The following BANP variants were observed in gnomAD, a reference collection of about 807,000 sequenced individuals.
BANP encodes protein BANP.
Under a neutral mutation model 68.1 loss-of-function variants are expected in BANP, and 11 were observed. That is an observed-to-expected ratio of 0.16 (90% confidence interval 0.10 to 0.27). The LOEUF (loss-of-function observed/expected upper bound fraction) is 0.27. BANP is among the 10% of genes least tolerant of loss of function. BANP has a pLI of 1.00. For missense variants in BANP, 504 were observed against 722.7 expected (o/e 0.70, Z 3.47); for synonymous variants, 329 against 303.2 (o/e 1.09, Z -0.88).
At chr16:88,068,891 GT>G (rs2089534557) in intron 12 of BANP, among the ~76,000 whole-genome samples, 2 of 2,852 alleles carry the variant, frequency 7.0e-4, no homozygotes, top group Admixed American at 0.014. Flanking sequence ...GGGCGCTCTC[GT>G]CCCCAGCCTG....
chr16:87,958,728 C>T (rs1320948458), intron 1 of BANP, among the ~76,000 whole-genome samples: 1 of 152,200 alleles, frequency 6.6e-6, no homozygotes, highest in African/African-American at 2.4e-5. Context: ...AAAACTATTC[C>T]CGTTAAGCCG....
chr16:87,968,838 A>G (rs1223583545), intron 1 of BANP, among the ~76,000 whole-genome samples: 2 of 152,182 alleles, frequency 1.3e-5, no homozygotes, highest in Non-Finnish European at 2.9e-5. Flanking sequence ...TTAGATCTGC[A>G]TATTTTCCTG....
At position 88,064,475 on chromosome 16, in the gene BANP, A is replaced by G. The variant is rs568536341; in HGVS notation, c.1312-792A>G. Among the ~76,000 whole-genome samples, 27 of 152,350 alleles carry G rather than the reference A, an allele frequency of 1.8e-4. No individual in the cohort carries two copies. Among genetic ancestry groups the G allele is most frequent in the African/African-American group, 6.3e-4 (26 of 41,594 alleles). On this transcript the variant is annotated intron_variant, in intron 11 of 13. Coordinates refer to ENST00000682872, the MANE Select transcript of BANP (RefSeq NM_001386991.1). The surrounding 1 kb of genome is among the most constrained non-coding windows in gnomAD (Gnocchi z 4.5). ...AGAAATGAGTGGGCCTTGAATGAGCAAAACAACCCACCTGCCTCCCACGGA... is the reference window on the plus strand; with the variant it reads ...AGAAATGAGTGGGCCTTGAATGAGCGAAACAACCCACCTGCCTCCCACGGA...
rs181782037 is a variant in BANP, at chr16:87,981,162, C to T, written c.162+35C>T. 125 of 1,457,494 alleles carry T rather than the reference C, an allele frequency of 8.6e-5. 1 individual carries two copies. In the East Asian group the frequency reaches 9.7e-4, roughly 11 times the overall value. 90.3% of individuals were successfully genotyped at this position (1,457,494 alleles called of 1,614,324 possible). ...TGACTCTGTTCTGTGGTGTGTAGTG[C>T]GTTGCAGATTTCAAGGGCTGCTATA... On this transcript the variant is annotated intron_variant, in intron 3 of 13. Coordinates refer to ENST00000682872, the MANE Select transcript of BANP (RefSeq NM_001386991.1).
rs559983410 is a variant in BANP, at chr16:88,037,087, A to G, written c.1273-886A>G. On this transcript the variant is annotated intron_variant, in intron 10 of 13. Coordinates refer to ENST00000682872, the MANE Select transcript of BANP (RefSeq NM_001386991.1). ...AGAGTTCTTGAATACCTGGAAGCCT[A>G]TGAAGTTCGTCAGAATGCTTAATTT... is the stretch of plus-strand genomic sequence containing the variant. Among the ~76,000 whole-genome samples, 3 of 152,320 alleles carry G rather than the reference A, an allele frequency of 2.0e-5. No individual in the cohort carries two copies. In the East Asian group the frequency reaches 5.8e-4, roughly 29 times the overall value.
intron 11 of BANP, among the ~76,000 whole-genome samples, chr16:88,051,193 T>C (rs1437245393): frequency 6.6e-6 from 1 of 151,782 alleles, no homozygotes; most frequent in African/African-American, 2.4e-5. Context: ...GGCTCCCCAG[T>C]GGTTTAGGGC....
intron 7 of BANP, among the ~76,000 whole-genome samples, chr16:88,021,482 G>A (rs2076015569): frequency 6.6e-6 from 1 of 152,182 alleles, no homozygotes. Context: ...AGGGCCGTGT[G>A]GAGGGGCCTG....
rs117395720 is a variant in BANP, at chr16:87,969,688, A to G, written c.-68-5360A>G. On this transcript the variant is annotated intron_variant, in intron 1 of 13. Transcript: ENST00000682872. ...GCTGGGATTACAGGCACGCGCCGCC[A>G]TCCCCGTCTAATTTTTTGTATCTTT... Among the ~76,000 whole-genome samples, 22 of 151,910 alleles carry G rather than the reference A, an allele frequency of 1.4e-4. No individual in the cohort carries two copies. In the East Asian group the frequency reaches 4.3e-3, roughly 30 times the overall value.
chr16:88,013,651 C>T (rs2073800710), intron 6 of BANP, among the ~76,000 whole-genome samples: 1 of 152,222 alleles, frequency 6.6e-6, no homozygotes, highest in Non-Finnish European at 1.5e-5. Flanking sequence ...GTGCAGGAGG[C>T]TCCAGGAGTG....
chr16:87,976,162 A>G (rs1028034376), intron 2 of BANP, among the ~76,000 whole-genome samples: 3 of 152,234 alleles, frequency 2.0e-5, no homozygotes, highest in Non-Finnish European at 2.9e-5. Context: ...AGATCCTTGC[A>G]TATATATCTT....
intron 11 of BANP, among the ~76,000 whole-genome samples, chr16:88,046,520 C>CT (rs1274387035): frequency 1.3e-5 from 2 of 151,906 alleles, no homozygotes; most frequent in African/African-American, 4.8e-5. Flanking sequence ...TGTTTATGTT[C>CT]TTTTTTTAAT....
intron 1 of BANP, chr16:87,966,832 G>C (rs2060105865): frequency 6.6e-6 from 1 of 152,426 alleles, no homozygotes; most frequent in Admixed American, 6.5e-5. Context: ...AGAATACCCT[G>C]TTTTGAACCA....
At chr16:88,038,058 G>T (rs771103166) in intron 11 of BANP, 47 bp downstream of exon 11, 18 of 1,596,198 alleles carry the variant, frequency 1.1e-5, no homozygotes, top group Non-Finnish European at 1.3e-5. Flanking sequence ...CGCTGCCGAG[G>T]GATGGGGTTC....
At chr16:88,039,909 C>G (rs1483389596) in intron 11 of BANP, among the ~76,000 whole-genome samples, 2 of 152,238 alleles carry the variant, frequency 1.3e-5, no homozygotes, top group African/African-American at 4.8e-5. Flanking sequence ...TGAGTCCCCA[C>G]TCTCTCTAAG....
intron 1 of BANP, among the ~76,000 whole-genome samples, chr16:87,954,952 G>A (rs192291842): frequency 4.9e-4 from 74 of 152,338 alleles, no homozygotes; most frequent in African/African-American, 1.5e-3. Flanking sequence ...GTGCCAAGCC[G>A]CCGTTCCACA....
chr16:87,999,356 C>T (rs1259270727), intron 4 of BANP, among the ~76,000 whole-genome samples: 4 of 148,572 alleles, frequency 2.7e-5, no homozygotes, highest in Non-Finnish European at 6.0e-5. Flanking sequence ...CTGTACTTAC[C>T]TGTCCTTCCA....
At chr16:88,030,189 A>G (rs908624980) in intron 8 of BANP, among the ~76,000 whole-genome samples, 4 of 152,364 alleles carry the variant, frequency 2.6e-5, no homozygotes, top group African/African-American at 4.8e-5. Context: ...AAAATTCACA[A>G]TCTCCAGTAT....
intron 7 of BANP, among the ~76,000 whole-genome samples, chr16:88,019,830 G>T (rs917391000): frequency 6.6e-6 from 1 of 152,198 alleles, no homozygotes; most frequent in African/African-American, 2.4e-5. Flanking sequence ...GGGAGTGGAA[G>T]GGCTCCGCTG....
In BANP at chr16:87,984,140, T is replaced by C. The variant is rs756918379; in HGVS notation, c.243T>C (p.Thr81=). 16 of 1,611,882 alleles carry C rather than the reference T, an allele frequency of 9.9e-6. No homozygotes were observed. In the Admixed American group the frequency reaches 2.5e-4, roughly 25 times the overall value. ...CCAAATTGCAAGCCCTGGAGGCTACTTGTAAATCCTTAGAAGAAAAGCTGG... is the reference window on the plus strand; with the variant it reads ...CCAAATTGCAAGCCCTGGAGGCTACCTGTAAATCCTTAGAAGAAAAGCTGG... The part of the protein sequence containing the change: ...IEAKLQALEA[T]CKSLEEKLDL... The change falls in exon 4 of 14, where the codon ACT becomes ACC. Residue 81 remains threonine, a synonymous_variant. Coordinates refer to ENST00000682872, the MANE Select transcript of BANP (RefSeq NM_001386991.1).
Sources: gnomAD v4.1 joint callset for allele counts (sites outside exome capture counted in the v4.1 genomes callset) on GRCh38, gnomAD v4.1.1 for gene constraint, Gnocchi (gnomAD v3.1) non-coding constraint, MANE v1.5 for transcripts, NCBI Gene and HGNC (gene_info 2026-07-23, HGNC 2026-07-21) for gene names.